The following RUNDC3B variants were observed in gnomAD, a reference collection of about 807,000 sequenced individuals.
RUNDC3B encodes RUN domain-containing protein 3B.
In RUNDC3B, 33 loss-of-function variants were observed where a neutral mutation model predicts 58.4. That is an observed-to-expected ratio of 0.56 (90% CI 0.43 to 0.75). The LOEUF (loss-of-function observed/expected upper bound fraction) is 0.75, where lower values mean the gene tolerates loss of function less well. RUNDC3B is among the 30% of genes least tolerant of loss of function. RUNDC3B has a pLI of 0.00. For synonymous variants in RUNDC3B, 193 were observed against 195.2 expected, an observed-to-expected ratio of 0.99 and a Z score of 0.10; for missense variants, 501 against 535.7, an observed-to-expected ratio of 0.94 and a Z score of 0.64.
intron 8 of RUNDC3B, among the ~76,000 whole-genome samples, chr7:87,793,646 A>C (rs1279912411): frequency 6.6e-6 from 1 of 152,126 alleles, no homozygotes; most frequent in East Asian, 1.9e-4. Flanking sequence ...ATTTAAAAAA[A>C]CACTCAAAAA....
intron 4 of RUNDC3B, among the ~76,000 whole-genome samples, chr7:87,720,486 T>C (rs1339698981): frequency 3.3e-5 from 5 of 151,692 alleles, no homozygotes; most frequent in African/African-American, 7.3e-5. Context: ...CAATTTCACT[T>C]CCACAAATCT....
intron 2 of RUNDC3B, among the ~76,000 whole-genome samples, chr7:87,679,173 A>T (rs1826676424): frequency 7.0e-6 from 1 of 143,498 alleles, no homozygotes; most frequent in Non-Finnish European, 1.5e-5. Flanking sequence ...GCTCACTGCA[A>T]GCTCCTCCTC....
At chr7:87,672,033 T>A (rs1443164721) in intron 2 of RUNDC3B, among the ~76,000 whole-genome samples, 7 of 152,102 alleles carry the variant, frequency 4.6e-5, no homozygotes. Context: ...TCTGGGAGTC[T>A]TTTCTGCCCC....
chr7:87,828,846 G>T (rs1483944799), intron 10 of RUNDC3B, among the ~76,000 whole-genome samples: 3 of 152,108 alleles, frequency 2.0e-5, no homozygotes, highest in Admixed American at 1.3e-4. Flanking sequence ...AATAAAAAGG[G>T]ATTAACAAAT....
At chr7:87,798,541 A>G (rs1287827602) in intron 8 of RUNDC3B, among the ~76,000 whole-genome samples, 1 of 152,106 alleles carries the variant, frequency 6.6e-6, no homozygotes, top group Admixed American at 6.5e-5. Context: ...AATATGAACC[A>G]TTTGTTTTTG....
At chr7:87,757,621 G>T (rs947482101) in intron 6 of RUNDC3B, among the ~76,000 whole-genome samples, 1 of 152,056 alleles carries the variant, frequency 6.6e-6, no homozygotes, top group African/African-American at 2.4e-5. Context: ...TGTATTTGCT[G>T]TCAAAATACC....
chr7:87,829,018 C>T (rs1563239621), intron 10 of RUNDC3B, among the ~76,000 whole-genome samples: 1 of 152,086 alleles, frequency 6.6e-6, no homozygotes, highest in Non-Finnish European at 1.5e-5. Context: ...GCCATTGTGA[C>T]TGGTGTGAGA....
intron 1 of RUNDC3B, among the ~76,000 whole-genome samples, chr7:87,640,075 T>C (rs1351124430): frequency 2.0e-5 from 3 of 150,710 alleles, no homozygotes; most frequent in Non-Finnish European, 4.4e-5. Context: ...TTCTATTCTT[T>C]TGGCAGTTAC....
At chr7:87,786,417 C>CT (rs918509508) in intron 8 of RUNDC3B, among the ~76,000 whole-genome samples, 12 of 149,072 alleles carry the variant, frequency 8.0e-5, no homozygotes, top group Non-Finnish European at 1.3e-4. Context: ...ATTTTTTCTT[C>CT]TTTTTTTTTA....
At chr7:87,766,828 A>G (rs1443796382) in intron 6 of RUNDC3B, among the ~76,000 whole-genome samples, 1 of 152,082 alleles carries the variant, frequency 6.6e-6, no homozygotes, top group African/African-American at 2.4e-5. Flanking sequence ...TTATTCCCTC[A>G]AATATTTTTT....
intron 9 of RUNDC3B, among the ~76,000 whole-genome samples, chr7:87,812,433 A>G (rs905269103): frequency 6.6e-6 from 1 of 152,094 alleles, no homozygotes; most frequent in East Asian, 1.9e-4. Flanking sequence ...ACATGGTGAA[A>G]CCGCATCTCC....
chr7:87,702,162 A>AC (rs1471982944), intron 3 of RUNDC3B, among the ~76,000 whole-genome samples: 16 of 150,114 alleles, frequency 1.1e-4, no homozygotes, highest in African/African-American at 3.9e-4. Flanking sequence ...AAAAAAAAAA[A>AC]AAAAAAAAAA....
rs1214020332 is a variant in RUNDC3B at position 87,831,991 on chromosome 7, G to T, written c.*1961G>T. 6.6e-6 allele frequency: 1 copy of T among 151,932 alleles called. No individual in the cohort carries two copies. 9.4% of individuals were successfully genotyped at this position (151,932 alleles called of 1,614,324 possible). On this transcript the variant is annotated 3_prime_UTR_variant, in exon 11 of 11. Transcript: ENST00000394654. ...GCATCTTCACATGCTGCTAAATGCA[G>T]ATTTAAACATTACATCTGAGGATCA...
At chr7:87,823,789 T>TACAC (rs879843162) in intron 10 of RUNDC3B, among the ~76,000 whole-genome samples, 339 of 147,870 alleles carry the variant, frequency 2.3e-3, no homozygotes, top group African/African-American at 6.9e-3. Context: ...ATTTCATATA[T>TACAC]ATACACACAC....
chr7:87,649,473 T>A (rs761773246), intron 1 of RUNDC3B, among the ~76,000 whole-genome samples: 9 of 152,296 alleles, frequency 5.9e-5, no homozygotes, highest in Non-Finnish European at 8.8e-5. Flanking sequence ...TAATTTTCTC[T>A]TAAGGGAAAT....
rs532713532 is a variant in RUNDC3B, at chr7:87,745,662, G to A, written c.629+4083G>A. Among the ~76,000 whole-genome samples the A allele has an allele frequency of 1.1e-4, 17 of 151,984 alleles. No individual in the cohort carries two copies. In the East Asian group the frequency reaches 1.4e-3, roughly 12 times the overall value. ...TCAGTGGTGTCAGTTGTAATATCTC[G>A]TTTCATTTCTTAGTGAGGTTATTTT... On this transcript the variant is annotated intron_variant, in intron 6 of 10. Coordinates refer to ENST00000394654, the MANE Select transcript of RUNDC3B (RefSeq NM_001134405.2).
At chr7:87,724,492 C>A (rs1005622518) in intron 4 of RUNDC3B, among the ~76,000 whole-genome samples, 1 of 151,758 alleles carries the variant, frequency 6.6e-6, no homozygotes, top group African/African-American at 2.4e-5. Context: ...GTTTTACAAA[C>A]CAGAATTTTC....
intron 1 of RUNDC3B, among the ~76,000 whole-genome samples, chr7:87,633,627 G>A (rs17149840): frequency 0.048 from 7,335 of 151,266 alleles, 263 homozygotes; most frequent in East Asian, 0.09. Context: ...ATAATTGGTT[G>A]TGACCTGGGA....
intron 10 of RUNDC3B, among the ~76,000 whole-genome samples, chr7:87,816,687 A>G (rs149809209): frequency 1.3e-5 from 2 of 152,274 alleles, no homozygotes; most frequent in African/African-American, 4.8e-5. Flanking sequence ...TTTATTGAGT[A>G]TTTTAAAAAT....
Sources: allele counts gnomAD v4.1 joint callset (sites outside exome capture counted in the v4.1 genomes callset), GRCh38; gene constraint gnomAD v4.1.1; transcripts MANE v1.5; gene names NCBI Gene and HGNC (gene_info 2026-07-23, HGNC 2026-07-21).